PHF11: variants seen among roughly 807,000 people sequenced by gnomAD.
PHF11 encodes PHD finger protein 11, also known as BRCA1 C-terminus-associated protein.
A neutral mutation model predicts 40.5 loss-of-function variants in PHF11; 38 were observed. The observed-to-expected ratio is 0.94, with a 90% CI of 0.72 to 1.23. PHF11 has a LOEUF of 1.23. Among genes scored for constraint, PHF11 ranks in the 50% most tolerant of loss-of-function variants. The pLI, the probability that PHF11 is intolerant of heterozygous loss-of-function variation, is 0.00. For synonymous variants in PHF11, 127 were observed against 138.2 expected (o/e 0.92, Z 0.57); for missense variants, 369 against 392.4 (o/e 0.94, Z 0.50).
chr13:49,496,191 C>A, intron 1 of PHF11, 96 bp downstream of exon 1: 1 of 764,020 alleles, frequency 1.3e-6, no homozygotes, highest in Non-Finnish European at 1.8e-6. Flanking sequence ...GCATGGGGGC[C>A]CGACCTGCCC....
At chr13:49,528,451 AC>A in intron 9 of PHF11, 59 bp from the exon 10 acceptor site, 1 of 1,189,294 alleles carries the variant, frequency 8.4e-7, no homozygotes, top group Non-Finnish European at 1.2e-6. Context: ...TAGAAATGGT[AC>A]ATTATTTCTA....
chr13:49,504,715 A>G (rs146068884), intron 1 of PHF11, among the ~76,000 whole-genome samples: 5,638 of 150,940 alleles, frequency 0.037, 165 homozygotes, highest in East Asian at 0.16. Context: ...TGGGAGGTGT[A>G]CCCAACAGCT....
At chr13:49,496,789 T>C (rs1426415302) in intron 1 of PHF11, among the ~76,000 whole-genome samples, 4 of 150,370 alleles carry the variant, frequency 2.7e-5, no homozygotes, top group East Asian at 2.0e-4. Flanking sequence ...ACTCCCAGTC[T>C]TCAGGGAAAG....
rs1958812477 is a variant in PHF11, at chr13:49,496,495, G to A, written c.94+400G>A. On this transcript the variant is annotated intron_variant, in intron 1 of 9. Transcript: ENST00000378319. ...GCGCCCTGATGCGGTGAGGCAGGGGGCGGCCCTGAGGGAAGAGCTGGGTCT... is the reference window on the plus strand; with the variant it reads ...GCGCCCTGATGCGGTGAGGCAGGGGACGGCCCTGAGGGAAGAGCTGGGTCT... The A allele has an allele frequency of 5.1e-6, 5 of 988,898 alleles. No individual in the cohort carries two copies. The South Asian group carries it at 2.4e-4, about 47-fold the overall frequency. The allele number at this position is 988,898 out of a possible 1,614,324, so 61.3% of individuals were successfully genotyped here.
At chr13:49,503,625 T>A (rs558182535) in intron 1 of PHF11, among the ~76,000 whole-genome samples, 75 of 152,350 alleles carry the variant, frequency 4.9e-4, no homozygotes, top group Admixed American at 3.6e-3. Flanking sequence ...AAAGAATGAA[T>A]AACTTTTATA....
At chr13:49,502,745 G>A (rs112971837) in intron 1 of PHF11, among the ~76,000 whole-genome samples, 3 of 152,066 alleles carry the variant, frequency 2.0e-5, no homozygotes, top group Non-Finnish European at 4.4e-5. Flanking sequence ...GTTTTGAGAC[G>A]GAGTTTCACT....
At chr13:49,514,791 C>T (rs899575901) in intron 3 of PHF11, among the ~76,000 whole-genome samples, 7 of 150,496 alleles carry the variant, frequency 4.7e-5, no homozygotes, top group African/African-American at 1.7e-4. Flanking sequence ...TGTGTGGATC[C>T]TGCTCTCAAT....
intron 1 of PHF11, among the ~76,000 whole-genome samples, chr13:49,496,848 T>TC (rs1274189396): frequency 2.0e-5 from 3 of 147,978 alleles, no homozygotes; most frequent in Non-Finnish European, 4.5e-5. Context: ...TTTTTTTTTT[T>TC]TTTGAGAGGA....
chr13:49,514,755 C>A (rs1959128860), intron 3 of PHF11, among the ~76,000 whole-genome samples: 1 of 103,254 alleles, frequency 9.7e-6, no homozygotes, highest in Non-Finnish European at 2.0e-5. Flanking sequence ...GAGACTCTGT[C>A]TCAAATTAAA....
At chr13:49,509,944 A>C (rs1486685454) in intron 2 of PHF11, among the ~76,000 whole-genome samples, 2 of 152,212 alleles carry the variant, frequency 1.3e-5, no homozygotes, top group African/African-American at 4.8e-5. Flanking sequence ...CGTCAAAATC[A>C]GGAAATTTTG....
intron 2 of PHF11, among the ~76,000 whole-genome samples, chr13:49,511,142 CTTTATCA>C (rs1466545311): frequency 1.3e-5 from 2 of 152,150 alleles, no homozygotes; most frequent in African/African-American, 4.8e-5. Context: ...TATCTTGTTC[CTTTATCA>C]TTCTTCACAG....
intron 1 of PHF11, 185 bp downstream of exon 1, chr13:49,496,280 G>A (rs991289722): frequency 4.4e-6 from 3 of 674,382 alleles, no homozygotes; most frequent in African/African-American, 1.9e-5. Flanking sequence ...GTTGGTGGGG[G>A]AGGGGGCCAG....
At chr13:49,509,964 TACC>T (rs1204706450) in intron 2 of PHF11, among the ~76,000 whole-genome samples, 1 of 152,228 alleles carries the variant, frequency 6.6e-6, no homozygotes, top group East Asian at 1.9e-4. Flanking sequence ...GTTATACTAC[TACC>T]GTCTATTCCT....
chr13:49,510,691 G>A (rs532893772), intron 2 of PHF11, among the ~76,000 whole-genome samples: 2 of 152,134 alleles, frequency 1.3e-5, no homozygotes, highest in East Asian at 1.9e-4. Context: ...GGCTCATCTC[G>A]AACTCCTGGC....
chr13:49,513,167 G>C lies in PHF11; in HGVS notation c.324+1G>C. ...AGAAATCCAGAGAGGAAGGAAGTTG[G>C]TAAGTGTAAATGATGTTATTTCTTA... On this transcript the variant is annotated splice_donor_variant, in intron 3 of 9. Transcript: ENST00000378319. LOFTEE classifies it high-confidence loss of function. 1 of 1,415,628 alleles carries C rather than the reference G, an allele frequency of 7.1e-7. No homozygotes were observed. Among genetic ancestry groups the C allele is most frequent in the Non-Finnish European group, 1.0e-6 (1 of 999,578 alleles). 87.7% of individuals were successfully genotyped at this position (1,415,628 alleles called of 1,614,324 possible). A position where few individuals can be genotyped will look rare whatever the true frequency, so the allele number is the denominator to read the frequency against.
intron 3 of PHF11, 29 bp from the exon 4 acceptor site, chr13:49,517,985 GGTAC>G: frequency 8.7e-7 from 1 of 1,155,366 alleles, no homozygotes; most frequent in Non-Finnish European, 1.2e-6. Context: ...ACAACAAACA[GGTAC>G]TTACTCAGTA....
intron 1 of PHF11, among the ~76,000 whole-genome samples, chr13:49,498,334 A>G (rs1320905217): frequency 2.0e-5 from 3 of 152,094 alleles, no homozygotes; most frequent in Non-Finnish European, 2.9e-5. Flanking sequence ...TGACAGTAAC[A>G]TAGTACATTT....
chr13:49,509,363 C>A (rs2139046718), intron 2 of PHF11, among the ~76,000 whole-genome samples: 1 of 152,190 alleles, frequency 6.6e-6, no homozygotes, highest in East Asian at 1.9e-4. Context: ...CAGGCACATG[C>A]CACCACGCCC....
At chr13:49,501,154 C>T (rs1284308791) in intron 1 of PHF11, among the ~76,000 whole-genome samples, 1 of 151,818 alleles carries the variant, frequency 6.6e-6, no homozygotes, top group Non-Finnish European at 1.5e-5. Context: ...GCGGGGATTA[C>T]AGGCATGCAC....
Sources: allele counts gnomAD v4.1 joint callset (sites outside exome capture counted in the v4.1 genomes callset), GRCh38; gene constraint gnomAD v4.1.1; transcripts MANE v1.5; gene names NCBI Gene and HGNC (gene_info 2026-07-23, HGNC 2026-07-21).